Variants in ADAMTS20 observed in about 807,000 individuals in gnomAD.
ADAMTS20 encodes A disintegrin and metalloproteinase with thrombospondin motifs 20.
A neutral mutation model predicts 260.1 loss-of-function variants in ADAMTS20; 225 were observed. The ratio of observed to expected loss-of-function variants is 0.87; its 90% CI spans 0.78 to 0.97. The LOEUF is 0.97. Ranked by LOEUF, ADAMTS20 falls within the 50% of genes least tolerant of loss-of-function variation. ADAMTS20 has a pLI of 0.00. For synonymous variants in ADAMTS20, 802 were observed against 769.5 expected (o/e 1.04, Z -0.70); for missense variants, 2,400 against 2,337.7 (o/e 1.03, Z -0.55).
intron 28 of ADAMTS20, among the ~76,000 whole-genome samples, chr12:43,401,206 G>A (rs1025451141): frequency 6.6e-6 from 1 of 151,918 alleles, no homozygotes; most frequent in Non-Finnish European, 1.5e-5. Context: ...ATTCTTGAAG[G>A]AGAGGTAGGT....
At chr12:43,467,745 A>G (rs1592084321) in intron 8 of ADAMTS20, among the ~76,000 whole-genome samples, 2 of 152,234 alleles carry the variant, frequency 1.3e-5, no homozygotes, top group African/African-American at 4.8e-5. Flanking sequence ...TGATTATGAG[A>G]TATAACCATG....
intron 11 of ADAMTS20, among the ~76,000 whole-genome samples, chr12:43,460,808 A>T (rs934509940): frequency 2.0e-5 from 3 of 151,406 alleles, no homozygotes; most frequent in Non-Finnish European, 4.4e-5. Context: ...TATGTTGAAC[A>T]AAAGACGCCT....
intron 26 of ADAMTS20, 154 bp from the exon 27 acceptor site, chr12:43,427,623 A>G (rs1345735633): frequency 4.0e-6 from 3 of 750,890 alleles, no homozygotes; most frequent in Non-Finnish European, 2.0e-6. Flanking sequence ...GAGAAAATCT[A>G]TCAAAACACT....
intron 37 of ADAMTS20, among the ~76,000 whole-genome samples, chr12:43,367,063 A>T (rs1940002355): frequency 6.6e-6 from 1 of 151,988 alleles, no homozygotes; most frequent in African/African-American, 2.4e-5. Flanking sequence ...TTGGTAATTA[A>T]AACAACTTTC....
At position 43,428,252 on chromosome 12, in the gene ADAMTS20, G is replaced by T; in HGVS notation, c.3934C>A (p.Pro1312Thr). ...TAAAGATGGCTTACTGATCCCCATG[G>T]TCCGGTTCTCCACTGGTTTCCTCTG... Reference protein sequence around the residue: ...SVRGNQWRTGPWGSCSSSCSG... With the variant: ...SVRGNQWRTGTWGSCSSSCSG... The change falls in exon 26 of 39, where the codon CCA becomes ACA. Residue 1312 changes from proline to threonine, a missense_variant. Coordinates refer to ENST00000389420, the MANE Select transcript of ADAMTS20 (RefSeq NM_025003.5). 1.3e-5 allele frequency: 21 copies of T among 1,613,768 alleles called. No homozygotes were observed. The highest frequency in any genetic ancestry group is 1.8e-5 in the Non-Finnish European group (21 of 1,179,790).
chr12:43,354,262 A>G lies in ADAMTS20; in HGVS notation c.5680T>C (p.Cys1894Arg). The change falls in exon 39 of 39, where the codon TGT becomes CGT. Residue 1894 changes from cysteine to arginine, a missense_variant. Physicochemically the swap from Cys to Arg is radical, Grantham distance 180 (BLOSUM62 -3). Coordinates refer to ENST00000389420, the MANE Select transcript of ADAMTS20 (RefSeq NM_025003.5). ...GTCATGTGAGGAAGACACTTTCCAC[A>G]GTACCCTCCACATTTGCCGAAAAAT... ...TRFFGKCGGY[C>R]GKCLPHMTTG... is the part of the protein sequence containing the mutation. The G allele has an allele frequency of 6.3e-7, 1 of 1,594,490 alleles. No individual in the cohort carries two copies. Among genetic ancestry groups the G allele is most frequent in the Admixed American group, 1.7e-5 (1 of 57,742 alleles).
intron 28 of ADAMTS20, among the ~76,000 whole-genome samples, chr12:43,403,084 T>C (rs1940844171): frequency 6.6e-6 from 1 of 152,152 alleles, no homozygotes; most frequent in Non-Finnish European, 1.5e-5. Context: ...TTGTTCTAGT[T>C]GGCTGGTACT....
In ADAMTS20 at chr12:43,432,267, T is replaced by C. The variant is rs148381545; in HGVS notation, c.3096+37A>G. The C allele has an allele frequency of 5.7e-6, 9 of 1,583,112 alleles. No homozygotes were observed. The East Asian group carries it at 1.6e-4, about 28-fold the overall frequency. On this transcript the variant is annotated intron_variant, in intron 21 of 38. Transcript: ENST00000389420. ...AGATTACAAAGCTTTACTAACACAA[T>C]ATTTTAATAGTTCCAAGCATCATGT...
chr12:43,551,611 C>T lies in ADAMTS20; in HGVS notation c.91+220G>A, dbSNP rs1424879801. Among the ~76,000 whole-genome samples, 1 of 152,192 alleles carries T rather than the reference C, an allele frequency of 6.6e-6. No individual in the cohort carries two copies. Among genetic ancestry groups the T allele is most frequent in the African/African-American group, 2.4e-5 (1 of 41,460 alleles). On this transcript the variant is annotated intron_variant, in intron 1 of 38. Coordinates refer to ENST00000389420, the MANE Select transcript of ADAMTS20 (RefSeq NM_025003.5). This position sits in a 1 kb window ranked among gnomAD's most constrained non-coding sequence, Gnocchi z 4.6. ...AGCGACCCCCTGCCCCTTGCGCCCC[C>T]GCCGTGTGGTCCTGGGAGTGCGATG...
At chr12:43,449,644 A>T (rs1043073120) in intron 14 of ADAMTS20, among the ~76,000 whole-genome samples, 23 of 151,550 alleles carry the variant, frequency 1.5e-4, no homozygotes, top group African/African-American at 5.3e-4. Flanking sequence ...AATAAAAGTT[A>T]AAAAAAAAGA....
chr12:43,468,591 G>C lies in ADAMTS20; in HGVS notation c.1223+9C>G, dbSNP rs559084685. The stretch of plus-strand genomic sequence containing the variant: ...AATGCACATTAAGGAGGTGACAGAA[G>C]GTACTTACGTGTGCCCAAGCTCATG... On this transcript the variant is annotated intron_variant, in intron 8 of 38. Transcript: ENST00000389420. 25 of 1,533,876 alleles carry C rather than the reference G, an allele frequency of 1.6e-5. No individual in the cohort carries two copies. The Admixed American group carries it at 1.6e-4, about 10-fold the overall frequency.
chr12:43,524,800 C>G (rs956547859), intron 3 of ADAMTS20, among the ~76,000 whole-genome samples: 1 of 152,090 alleles, frequency 6.6e-6, no homozygotes, highest in African/African-American at 2.4e-5. Context: ...TTAATCTAAT[C>G]AGACAAAAAT....
At chr12:43,428,835 C>G (rs758841782) in intron 24 of ADAMTS20, 36 bp from the exon 25 acceptor site, 1 of 1,551,358 alleles carries the variant, frequency 6.4e-7, no homozygotes, top group Non-Finnish European at 8.7e-7. Flanking sequence ...GGGCATTATA[C>G]AGTAGTACCT....
At chr12:43,485,735 A>T (rs189844646) in intron 7 of ADAMTS20, among the ~76,000 whole-genome samples, 10 of 152,264 alleles carry the variant, frequency 6.6e-5, no homozygotes, top group African/African-American at 2.4e-4. Context: ...TAGGTTCCCA[A>T]ATCAACATAC....
intron 37 of ADAMTS20, among the ~76,000 whole-genome samples, chr12:43,361,395 G>A (rs1939863829): frequency 6.6e-6 from 1 of 152,166 alleles, no homozygotes; most frequent in Non-Finnish European, 1.5e-5. Context: ...AATATAGATG[G>A]GCACAGCTCC....
chr12:43,452,387 G>C lies in ADAMTS20; in HGVS notation c.1966C>G (p.Leu656Val). 1 of 1,612,326 alleles carries C rather than the reference G, an allele frequency of 6.2e-7. No individual in the cohort carries two copies. The highest frequency in any genetic ancestry group is 8.5e-7 in the Non-Finnish European group (1 of 1,179,332). The change falls in exon 14 of 39, where the codon CTC becomes GTC. Residue 656 changes from leucine (L) to valine (V), a missense_variant. By Grantham distance (32) the Leu-to-Val change is conservative. Coordinates refer to ENST00000389420, the MANE Select transcript of ADAMTS20 (RefSeq NM_025003.5). Reference sequence around the variant, plus strand: ...TTGGTTCCAGCAACCTGACAATAGAGTTTACAACGATCCTTTGTGCCAACT... The same window carrying C: ...TTGGTTCCAGCAACCTGACAATAGACTTTACAACGATCCTTTGTGCCAACT... ...SGIGTKDRCK[L>V]YCQVAGTNYF...
intron 2 of ADAMTS20, among the ~76,000 whole-genome samples, chr12:43,538,503 C>A (rs1353607035): frequency 6.6e-6 from 1 of 152,148 alleles, no homozygotes; most frequent in Non-Finnish European, 1.5e-5. Flanking sequence ...CTTTGCTGTG[C>A]AGAAGCTTTT....
In ADAMTS20 at chr12:43,446,562, A is replaced by G. The variant is rs374384584; in HGVS notation, c.2197+33T>C. On this transcript the variant is annotated intron_variant, in intron 15 of 38. Coordinates refer to ENST00000389420, the MANE Select transcript of ADAMTS20 (RefSeq NM_025003.5). Reference sequence around the variant, plus strand: ...ACAGACTCCATTATTATACTAAATAAAAGCGAAATCTAGAAACAAATACAC... The same window carrying G: ...ACAGACTCCATTATTATACTAAATAGAAGCGAAATCTAGAAACAAATACAC... The G allele has an allele frequency of 2.4e-4, 367 of 1,554,858 alleles. No individual in the cohort carries two copies. The African/African-American group carries it at 2.8e-3, about 12-fold the overall frequency.
At chr12:43,501,502 CAT>C (rs34745927) in intron 4 of ADAMTS20, among the ~76,000 whole-genome samples, 11,481 of 115,604 alleles carry the variant, frequency 0.099, 716 homozygotes, top group Middle Eastern at 0.14. Flanking sequence ...CACACACACA[CAT>C]GTAAGGATGA....
Sources: gnomAD v4.1 joint callset for allele counts (sites outside exome capture counted in the v4.1 genomes callset) on GRCh38, gnomAD v4.1.1 for gene constraint, Gnocchi (gnomAD v3.1) non-coding constraint, MANE v1.5 for transcripts, NCBI Gene and HGNC (gene_info 2026-07-23, HGNC 2026-07-21) for gene names.